The following EVA1C variants were observed in gnomAD, a reference collection of about 807,000 sequenced individuals.
The protein encoded by EVA1C is protein eva-1 homolog C.
A neutral mutation model predicts 45.4 loss-of-function variants in EVA1C; 25 were observed. The ratio of observed to expected loss-of-function variants is 0.55; its 90% CI spans 0.40 to 0.77. EVA1C has a LOEUF of 0.77. Among genes scored for constraint, EVA1C ranks in the 30% least tolerant of loss-of-function variants. EVA1C has a pLI of 0.00. For synonymous variants in EVA1C, 190 were observed against 221.2 expected (o/e 0.86, Z 1.25); for missense variants, 479 against 554.8 (o/e 0.86, Z 1.37).
chr21:32,420,144 A>T (rs1037455883), intron 1 of EVA1C, among the ~76,000 whole-genome samples: 1 of 151,376 alleles, frequency 6.6e-6, no homozygotes, highest in African/African-American at 2.4e-5. Flanking sequence ...GGTGAGTTAA[A>T]AATACTTTTA....
chr21:32,437,538 C>T (rs1195203927), intron 1 of EVA1C, among the ~76,000 whole-genome samples: 1 of 152,224 alleles, frequency 6.6e-6, no homozygotes, highest in African/African-American at 2.4e-5. Flanking sequence ...ATTCAGACTT[C>T]TTAGCAAGGC....
At chr21:32,478,429 C>G (rs575080242) in intron 4 of EVA1C, among the ~76,000 whole-genome samples, 1 of 152,256 alleles carries the variant, frequency 6.6e-6, no homozygotes, top group African/African-American at 2.4e-5. Context: ...CCATGTTGGT[C>G]AGGCTGGTCT....
chr21:32,466,010 C>T (rs1411408854), intron 3 of EVA1C, among the ~76,000 whole-genome samples: 1 of 152,202 alleles, frequency 6.6e-6, no homozygotes. Flanking sequence ...CAGCCTCAGG[C>T]ACCCACTCAT....
chr21:32,412,701 C>A, upstream of EVA1C: 1 of 713,758 alleles, frequency 1.4e-6, no homozygotes, highest in Non-Finnish European at 2.0e-6. Flanking sequence ...CTGGCCCGCG[C>A]AGGGGAGGAG....
At chr21:32,507,761 T>C (rs920559253) in intron 7 of EVA1C, among the ~76,000 whole-genome samples, 7 of 149,038 alleles carry the variant, frequency 4.7e-5, no homozygotes, top group Admixed American at 4.6e-4. Context: ...TGTGTTTGCG[T>C]GTGTGTGCAT....
At position 32,467,786 on chromosome 21, in the gene EVA1C, A is replaced by G; in HGVS notation, c.572A>G (p.Tyr191Cys). The G allele has an allele frequency of 6.2e-7, 1 of 1,613,134 alleles. No individual in the cohort carries two copies. The highest frequency in any genetic ancestry group is 8.5e-7 in the Non-Finnish European group (1 of 1,179,536). The change falls in exon 4 of 8, where the codon TAC (tyrosine) becomes TGC (cysteine). Residue 191 changes from tyrosine to cysteine, a missense_variant. Physicochemically the swap from Tyr to Cys is radical, Grantham distance 194 (BLOSUM62 -2). Transcript: ENST00000300255. ...TTCCTCAACATCTACTCTGCGACCT[A>G]CGGCAGGAGGACCCAGGAAAGGGAC... Reference protein sequence around the residue: ...SKFLNIYSATYGRRTQERDIC... With the variant: ...SKFLNIYSATCGRRTQERDIC...
At chr21:32,510,153 A>T (rs2037902225) in intron 7 of EVA1C, among the ~76,000 whole-genome samples, 1 of 146,360 alleles carries the variant, frequency 6.8e-6, no homozygotes, top group Admixed American at 7.1e-5. Context: ...GGTTCAAGCC[A>T]TTCTCCTGCC....
chr21:32,468,350 T>G (rs2036253900), intron 4 of EVA1C, among the ~76,000 whole-genome samples: 1 of 150,488 alleles, frequency 6.6e-6, no homozygotes, highest in Non-Finnish European at 1.5e-5. Flanking sequence ...CCAGCCTGGG[T>G]GACAAGAGCA....
chr21:32,450,271 A>G (rs1279788414), intron 1 of EVA1C, among the ~76,000 whole-genome samples: 1 of 147,000 alleles, frequency 6.8e-6, no homozygotes, highest in African/African-American at 2.4e-5. Context: ...AAACGCAGCA[A>G]AAGTTTCATT....
intron 3 of EVA1C, among the ~76,000 whole-genome samples, chr21:32,467,170 C>A (rs1468156928): frequency 1.3e-5 from 2 of 152,122 alleles, no homozygotes; most frequent in Admixed American, 6.6e-5. Context: ...CTAAACTAAA[C>A]TAAAATAACA....
intron 4 of EVA1C, among the ~76,000 whole-genome samples, chr21:32,489,191 C>T (rs2037074664): frequency 6.6e-6 from 1 of 152,140 alleles, no homozygotes; most frequent in Non-Finnish European, 1.5e-5. Flanking sequence ...GAGTTTTCCC[C>T]CTGGGATTTC....
chr21:32,507,914 T>C (rs199930969), intron 7 of EVA1C, among the ~76,000 whole-genome samples: 20 of 142,908 alleles, frequency 1.4e-4, no homozygotes, highest in Admixed American at 1.2e-3. Context: ...TCTGTGTGTG[T>C]GCGTGTGTGC....
chr21:32,413,046 G>A, intron 1 of EVA1C, 33 bp downstream of exon 1: 2 of 1,339,826 alleles, frequency 1.5e-6, no homozygotes, highest in Non-Finnish European at 1.9e-6. Flanking sequence ...TGTGCCCCCG[G>A]CACCGCGGAG....
chr21:32,496,826 A>C (rs985462705), intron 5 of EVA1C: 6 of 835,070 alleles, frequency 7.2e-6, no homozygotes, highest in African/African-American at 3.3e-5. Context: ...ATTCTAGTGA[A>C]AGGAGACCAG....
intron 6 of EVA1C, 103 bp downstream of exon 6, chr21:32,501,598 C>T: frequency 2.7e-6 from 4 of 1,473,570 alleles, no homozygotes; most frequent in Non-Finnish European, 3.6e-6. Context: ...AAGGGGCTGT[C>T]AGGAGGTGTG....
intron 4 of EVA1C, among the ~76,000 whole-genome samples, chr21:32,489,974 G>C (rs2037101289): frequency 6.6e-6 from 1 of 151,996 alleles, no homozygotes; most frequent in Admixed American, 6.6e-5. Context: ...GCTAATTTTT[G>C]TATTTTTTTA....
At chr21:32,416,222 G>T (rs765251765) in intron 1 of EVA1C, among the ~76,000 whole-genome samples, 1 of 151,790 alleles carries the variant, frequency 6.6e-6, no homozygotes, top group African/African-American at 2.4e-5. Context: ...GTGTGTGTGT[G>T]TGTGTGCTTC....
intron 1 of EVA1C, among the ~76,000 whole-genome samples, chr21:32,435,984 T>C (rs1275593280): frequency 1.3e-5 from 2 of 152,256 alleles, no homozygotes; most frequent in Non-Finnish European, 2.9e-5. Flanking sequence ...GTACTTTGCA[T>C]GTGGGTTTTT....
At chr21:32,476,643 A>AAAC (rs2036576778) in intron 4 of EVA1C, among the ~76,000 whole-genome samples, 1 of 151,752 alleles carries the variant, frequency 6.6e-6, no homozygotes, top group Non-Finnish European at 1.5e-5. Flanking sequence ...CTCCGTCTCA[A>AAAC]AATAATAATA....
Sources: allele counts gnomAD v4.1 joint callset (sites outside exome capture counted in the v4.1 genomes callset), GRCh38; gene constraint gnomAD v4.1.1; transcripts MANE v1.5; gene names NCBI Gene and HGNC (gene_info 2026-07-23, HGNC 2026-07-21).